UBE3A: variants seen among roughly 807,000 people sequenced by gnomAD.
UBE3A encodes the protein ubiquitin-protein ligase E3A.
A neutral mutation model predicts 83.4 loss-of-function variants in UBE3A; 6 were observed. The observed-to-expected ratio is 0.07, with a 90% confidence interval of 0.04 to 0.14. The LOEUF (loss-of-function observed/expected upper bound fraction) is 0.14. Among genes scored for constraint, UBE3A ranks in the 10% least tolerant of loss-of-function variants. The pLI, the probability that UBE3A is intolerant of heterozygous loss-of-function variation, is 1.00. For missense variants in UBE3A, 456 were observed against 1,036.1 expected (o/e 0.44, Z 7.69); for synonymous variants, 337 against 355.4 (o/e 0.95, Z 0.58).
chr15:25,354,114 C>CGTAT, intron 11 of UBE3A: 1 of 567,398 alleles, frequency 1.8e-6, no homozygotes, highest in Non-Finnish European at 3.1e-6. Context: ...CTAGATAATC[C>CGTAT]ATACGCCAAA....
At chr15:25,364,641 G>GTTTTTTTTTTT (rs1260418313) in intron 6 of UBE3A, among the ~76,000 whole-genome samples, 24 of 132,498 alleles carry the variant, frequency 1.8e-4, no homozygotes, top group African/African-American at 7.1e-4. Context: ...GGTTTTTTTT[G>GTTTTTTTTTTT]TTTGTTTTTT....
Position 25,384,277 on chromosome 15 carries a change from G to T in UBE3A, c.63-8514C>A, listed in dbSNP as rs1283922739. Among the ~76,000 whole-genome samples the T allele has an allele frequency of 2.6e-5, 4 of 151,966 alleles. No individual in the cohort carries two copies. The East Asian group carries it at 7.7e-4, about 29-fold the overall frequency. On this transcript the variant is annotated intron_variant, in intron 4 of 12. Transcript: ENST00000648336. ...GATTGAGACCATCCTGGCCAACATG[G>T]TGAAACCCTGTCTCTACTAAAAATA...
intron 4 of UBE3A, among the ~76,000 whole-genome samples, chr15:25,386,104 C>G (rs2083077400): frequency 6.6e-6 from 1 of 151,992 alleles, no homozygotes; most frequent in African/African-American, 2.4e-5. Flanking sequence ...CAACTTCAGG[C>G]CATTATAGCT....
In UBE3A at chr15:25,387,089, C is replaced by T. The variant is rs374633026; in HGVS notation, c.63-11326G>A. Among the ~76,000 whole-genome samples, 3 of 152,084 alleles carry T rather than the reference C, an allele frequency of 2.0e-5. No homozygotes were observed. The East Asian group carries it at 5.8e-4, about 29-fold the overall frequency. On this transcript the variant is annotated intron_variant, in intron 4 of 12. Coordinates refer to ENST00000648336, the MANE Select transcript of UBE3A (RefSeq NM_130839.5). ...AATTGTGCTTATGCATACAAATGCT[C>T]CTAAACTTACTTATTGGGTTGTGTC...
chr15:25,392,587 T>C (rs963841199), intron 4 of UBE3A, among the ~76,000 whole-genome samples: 1 of 152,104 alleles, frequency 6.6e-6, no homozygotes, highest in Non-Finnish European at 1.5e-5. Context: ...ACGATTTCAA[T>C]ATCACAGAGA....
At chr15:25,417,546 C>T (rs1193369401) in intron 1 of UBE3A, among the ~76,000 whole-genome samples, 2 of 151,828 alleles carry the variant, frequency 1.3e-5, no homozygotes, top group Admixed American at 6.6e-5. Flanking sequence ...CAATAAGTAA[C>T]CTGATTTTCA....
At chr15:25,404,597 T>C (rs1336008041) in intron 4 of UBE3A, among the ~76,000 whole-genome samples, 1 of 152,156 alleles carries the variant, frequency 6.6e-6, no homozygotes, top group Non-Finnish European at 1.5e-5. Flanking sequence ...GTCAAGGCTC[T>C]CACTGACTGA....
chr15:25,344,537 G>A (rs2075357574), intron 11 of UBE3A, among the ~76,000 whole-genome samples: 3 of 152,186 alleles, frequency 2.0e-5, no homozygotes, highest in Admixed American at 6.5e-5. Context: ...AAAAGCACAC[G>A]ATAGCTAAGC....
chr15:25,384,491 A>G (rs1003426865), intron 4 of UBE3A, among the ~76,000 whole-genome samples: 6 of 151,656 alleles, frequency 4.0e-5, no homozygotes, highest in Non-Finnish European at 7.4e-5. Flanking sequence ...AGAAAATTAT[A>G]CAACAATGCT....
intron 2 of UBE3A, among the ~76,000 whole-genome samples, chr15:25,411,495 C>A (rs919528023): frequency 2.8e-4 from 42 of 152,250 alleles, no homozygotes; most frequent in African/African-American, 9.9e-4. Flanking sequence ...GAGGCCAAGG[C>A]ATGAGAATCA....
At chr15:25,363,629 ACT>A (rs2078502389) in intron 6 of UBE3A, among the ~76,000 whole-genome samples, 1 of 152,142 alleles carries the variant, frequency 6.6e-6, no homozygotes, top group Non-Finnish European at 1.5e-5. Flanking sequence ...GCTCTTAACT[ACT>A]ATGCTTTACT....
At chr15:25,373,495 T>C (rs1157195054) in intron 5 of UBE3A, 4 of 152,262 alleles carry the variant, frequency 2.6e-5, no homozygotes, top group Admixed American at 6.5e-5. Flanking sequence ...TGTTGTTTTT[T>C]GACATGGAGT....
intron 4 of UBE3A, among the ~76,000 whole-genome samples, chr15:25,394,286 C>A (rs2085048424): frequency 6.6e-6 from 1 of 152,118 alleles, no homozygotes; most frequent in Admixed American, 6.6e-5. Flanking sequence ...CTGATACTGT[C>A]TCGATAACAG....
At chr15:25,347,850 G>T (rs908425179) in intron 11 of UBE3A, among the ~76,000 whole-genome samples, 2 of 151,534 alleles carry the variant, frequency 1.3e-5, no homozygotes, top group Non-Finnish European at 2.9e-5. Context: ...ATAATAAAAT[G>T]GCAGACCTCT....
intron 4 of UBE3A, among the ~76,000 whole-genome samples, chr15:25,384,046 T>A (rs1357691751): frequency 6.6e-6 from 1 of 152,160 alleles, no homozygotes; most frequent in African/African-American, 2.4e-5. Flanking sequence ...TTCTAAATAC[T>A]AAAAATGAAG....
chr15:25,423,144 A>G (rs550359334), intron 1 of UBE3A, among the ~76,000 whole-genome samples: 1 of 152,216 alleles, frequency 6.6e-6, no homozygotes, highest in East Asian at 1.9e-4. Context: ...AGGTAGAGAT[A>G]ATATTTGCAA....
chr15:25,427,686 G>C (rs1596469148), intron 1 of UBE3A, among the ~76,000 whole-genome samples: 2 of 149,472 alleles, frequency 1.3e-5, no homozygotes, highest in Admixed American at 1.3e-4. Context: ...AGCTACTTGG[G>C]AGGCTGAGGC....
chr15:25,354,224 TC>T, intron 11 of UBE3A, 128 bp downstream of exon 11: 1 of 777,686 alleles, frequency 1.3e-6, no homozygotes. Flanking sequence ...CAAATACAAA[TC>T]TAAGTATATA....
chr15:25,349,548 C>T (rs1595504049), intron 11 of UBE3A, among the ~76,000 whole-genome samples: 2 of 152,190 alleles, frequency 1.3e-5, no homozygotes, highest in South Asian at 4.1e-4. Context: ...GGAATACGTT[C>T]CAAGACCTCC....
Sources: allele counts gnomAD v4.1 joint callset (sites outside exome capture counted in the v4.1 genomes callset), GRCh38; gene constraint gnomAD v4.1.1; transcripts MANE v1.5; gene names NCBI Gene and HGNC (gene_info 2026-07-23, HGNC 2026-07-21).